PTPRC: variants seen among roughly 807,000 people sequenced by gnomAD.
The protein encoded by PTPRC is protein tyrosine phosphatase receptor type C, also known as receptor-type tyrosine-protein phosphatase C.
Under a neutral mutation model 155.9 loss-of-function variants are expected in PTPRC, and 44 were observed. The observed-to-expected ratio is 0.28, with a 90% confidence interval of 0.22 to 0.36. The LOEUF (loss-of-function observed/expected upper bound fraction) is 0.36, where lower values mean the gene tolerates loss of function less well. Among genes scored for constraint, PTPRC ranks in the 10% least tolerant of loss-of-function variants. The pLI, the probability that PTPRC is intolerant of heterozygous loss-of-function variation, is 1.00. For missense variants in PTPRC, 1,401 were observed against 1,564.6 expected (o/e 0.90, Z 1.76); for synonymous variants, 525 against 533.1 (o/e 0.98, Z 0.21).
Position 198,723,006 on chromosome 1 carries a change from T to A in PTPRC, c.1720+530T>A, listed in dbSNP as rs191628572. Among the ~76,000 whole-genome samples, 300 of 151,842 alleles carry A rather than the reference T, an allele frequency of 2.0e-3. 1 individual carries two copies. The highest frequency in any genetic ancestry group is 6.7e-3 in the African/African-American group (279 of 41,498). On this transcript the variant is annotated intron_variant, in intron 15 of 32. Transcript: ENST00000442510. The stretch of plus-strand genomic sequence containing the variant: ...AATTACTTAGAATTAAATTTCATTA[T>A]AATAATGAAAATAACAGCTGCATGT...
chr1:198,755,006 T>C (rs923407107), intron 32 of PTPRC, among the ~76,000 whole-genome samples: 2 of 152,120 alleles, frequency 1.3e-5, no homozygotes, highest in Non-Finnish European at 2.9e-5. Flanking sequence ...CCTATTCACA[T>C]TAAAGCAGCA....
At position 198,642,892 on chromosome 1, in the gene PTPRC, TTTTCTTTCTTTCTTCC is replaced by T. The variant is rs1358932255; in HGVS notation, c.73+3566_73+3581del. Among the ~76,000 whole-genome samples, 135 of 119,188 alleles carry T rather than the reference TTTTCTTTCTTTCTTCC, an allele frequency of 1.1e-3. 2 individuals carry two copies. Among genetic ancestry groups the T allele is most frequent in the Middle Eastern group, 7.6e-3 (2 of 262 alleles). 78.2% of individuals were successfully genotyped at this position (119,188 alleles called of 152,430 possible). On this transcript the variant is annotated intron_variant, in intron 2 of 32. Transcript: ENST00000442510. ...TGGAGCTGGGAAGGGATCTTTTTTC[TTTTCTTTCTTTCTTCC>T]TTTCTTTCTTTCTTTCTTTCTTTCT...
rs1237015738 is a variant in PTPRC, at chr1:198,702,438, C to T, written c.491C>T (p.Ser164Phe). 6.2e-7 allele frequency: 1 copy of T among 1,614,204 alleles called. No individual in the cohort carries two copies. The highest frequency in any genetic ancestry group is 1.3e-5 in the African/African-American group (1 of 75,052). ...AGCACCTTTCCTACAGACCCAGTTTCCCCATTGACAACCACCCTCAGCCTT... is the reference window on the plus strand; with the variant it reads ...AGCACCTTTCCTACAGACCCAGTTTTCCCATTGACAACCACCCTCAGCCTT... ...TASTFPTDPVSPLTTTLSLAH... is the reference protein window; with the variant it reads ...TASTFPTDPVFPLTTTLSLAH... Residue 164 changes from serine (S) to phenylalanine (F), a missense_variant, in exon 6 of 33, where the codon TCC becomes TTC. Ser to Phe is a radical substitution (Grantham distance 155, BLOSUM62 -2). Transcript: ENST00000442510.
chr1:198,727,241 T>C (rs958699518), intron 15 of PTPRC, among the ~76,000 whole-genome samples: 2 of 152,156 alleles, frequency 1.3e-5, no homozygotes, highest in African/African-American at 4.8e-5. Flanking sequence ...TGCCTTATAT[T>C]CTATAGCATT....
intron 20 of PTPRC, among the ~76,000 whole-genome samples, chr1:198,733,146 T>C (rs948696643): frequency 7.2e-5 from 11 of 151,816 alleles, no homozygotes; most frequent in Admixed American, 4.0e-4. Context: ...AAATGTTAAT[T>C]AATGTATTAC....
intron 2 of PTPRC, among the ~76,000 whole-genome samples, chr1:198,673,991 T>G (rs1415734117): frequency 6.6e-6 from 1 of 152,242 alleles, no homozygotes; most frequent in African/African-American, 2.4e-5. Context: ...AACAAGCTTC[T>G]TCTTAGTAGA....
chr1:198,648,411 G>T (rs116137899), intron 2 of PTPRC, among the ~76,000 whole-genome samples: 2,634 of 151,682 alleles, frequency 0.017, 70 homozygotes, highest in African/African-American at 0.06. Flanking sequence ...CTTAATCGGG[G>T]TCTATCTGAT....
At chr1:198,722,381 A>C (rs1459371909) in intron 14 of PTPRC, 35 bp from the exon 15 acceptor site, 1 of 1,194,432 alleles carries the variant, frequency 8.4e-7, no homozygotes, top group Non-Finnish European at 1.1e-6. Flanking sequence ...CACATTAGCA[A>C]ACTAATTATT....
intron 2 of PTPRC, among the ~76,000 whole-genome samples, chr1:198,643,770 C>T (rs1662777974): frequency 6.6e-6 from 1 of 151,876 alleles, no homozygotes; most frequent in African/African-American, 2.4e-5. Flanking sequence ...GAGGGAAATA[C>T]AAATGTAGCG....
intron 2 of PTPRC, among the ~76,000 whole-genome samples, chr1:198,671,427 G>A (rs981513348): frequency 6.6e-6 from 1 of 152,142 alleles, no homozygotes; most frequent in Non-Finnish European, 1.5e-5. Context: ...TCAGCCATCT[G>A]GCTCCTCTTT....
intron 26 of PTPRC, among the ~76,000 whole-genome samples, chr1:198,747,857 C>A (rs1289281889): frequency 6.6e-6 from 1 of 151,810 alleles, no homozygotes; most frequent in African/African-American, 2.4e-5. Context: ...TTCTATCAAG[C>A]AGCTCTGAAG....
chr1:198,747,970 G>T (rs765385854), intron 26 of PTPRC, 139 bp from the exon 27 acceptor site: 13 of 1,320,366 alleles, frequency 9.8e-6, no homozygotes, highest in Non-Finnish European at 1.2e-5. Context: ...GAGGCAAACC[G>T]AAAAATTATG....
chr1:198,655,010 T>A (rs546734683), intron 2 of PTPRC, among the ~76,000 whole-genome samples: 1 of 151,978 alleles, frequency 6.6e-6, no homozygotes, highest in Non-Finnish European at 1.5e-5. Context: ...ATTTTTATTG[T>A]CTTAGATTGC....
intron 7 of PTPRC, 30 bp downstream of exon 7, chr1:198,703,402 C>T: frequency 6.2e-7 from 1 of 1,610,070 alleles, no homozygotes; most frequent in Non-Finnish European, 8.5e-7. Flanking sequence ...GGCAGCCACA[C>T]CATCCCCATG....
chr1:198,744,562 G>T (rs1655055301), intron 26 of PTPRC, among the ~76,000 whole-genome samples: 1 of 151,848 alleles, frequency 6.6e-6, no homozygotes, highest in Admixed American at 6.6e-5. Flanking sequence ...GTTTTGGTTT[G>T]TAAAGGAAAT....
intron 13 of PTPRC, 91 bp downstream of exon 13, chr1:198,716,931 C>T: frequency 8.0e-7 from 1 of 1,253,038 alleles, no homozygotes; most frequent in South Asian, 1.3e-5. Flanking sequence ...TTTATTCTAG[C>T]AAGCACATTT....
At chr1:198,694,108 C>T in intron 3 of PTPRC, 1 of 1,546,624 alleles carries the variant, frequency 6.5e-7, no homozygotes, top group Non-Finnish European at 8.7e-7. Flanking sequence ...AGTTGGTGGC[C>T]AAAGGCCCGA....
At chr1:198,691,341 T>G (rs750798879) in intron 2 of PTPRC, among the ~76,000 whole-genome samples, 13 of 152,112 alleles carry the variant, frequency 8.5e-5, no homozygotes, top group Non-Finnish European at 1.2e-4. Context: ...AGTGAAACTA[T>G]AACTCACTAG....
chr1:198,655,517 G>A (rs1393810551), intron 2 of PTPRC, among the ~76,000 whole-genome samples: 1 of 152,028 alleles, frequency 6.6e-6, no homozygotes, highest in Non-Finnish European at 1.5e-5. Context: ...TGTTGGATTA[G>A]GCATTTTGGG....
Sources: allele counts gnomAD v4.1 joint callset (sites outside exome capture counted in the v4.1 genomes callset), GRCh38; gene constraint gnomAD v4.1.1; transcripts MANE v1.5; gene names NCBI Gene and HGNC (gene_info 2026-07-23, HGNC 2026-07-21).